Variants in MCM6 observed in about 807,000 individuals in gnomAD.
The protein encoded by MCM6 is DNA replication licensing factor MCM6.
Under a neutral mutation model 94.3 loss-of-function variants are expected in MCM6, and 46 were observed. The observed-to-expected ratio is 0.49, with a 90% confidence interval of 0.39 to 0.62. MCM6 has a LOEUF of 0.62. Among genes scored for constraint, MCM6 ranks in the 20% least tolerant of loss-of-function variants. The probability of loss-of-function intolerance (pLI) is 0.00; values close to 1 mark genes in which losing one functional copy is unlikely to be tolerated. For synonymous variants in MCM6, 335 were observed against 351.9 expected (o/e 0.95, Z 0.54); for missense variants, 865 against 1,017.9 (o/e 0.85, Z 2.04).
At chr2:135,866,777 A>G in intron 4 of MCM6, 49 bp from the exon 5 acceptor site, 2 of 1,451,940 alleles carry the variant, frequency 1.4e-6, no homozygotes, top group East Asian at 2.3e-5. Flanking sequence ...AATACCTTTC[A>G]GATGCCATAT....
intron 16 of MCM6, among the ~76,000 whole-genome samples, chr2:135,842,655 G>A (rs1679596340): frequency 6.6e-6 from 1 of 152,190 alleles, no homozygotes; most frequent in South Asian, 2.1e-4. Context: ...TACTATTTTG[G>A]CAGGCTAGCA....
intron 1 of MCM6, among the ~76,000 whole-genome samples, chr2:135,875,857 C>A (rs1680285965): frequency 6.6e-6 from 1 of 152,358 alleles, no homozygotes; most frequent in South Asian, 2.1e-4. Context: ...CCCAGCAGGG[C>A]ACCGACGAGA....
At position 135,859,330 on chromosome 2, in the gene MCM6, C is replaced by T. The variant is rs1245959167; in HGVS notation, c.1333G>A (p.Glu445Lys). 3 of 1,613,720 alleles carry T rather than the reference C, an allele frequency of 1.9e-6. No individual in the cohort carries two copies. The highest frequency in any genetic ancestry group is 2.5e-6 in the Non-Finnish European group (3 of 1,179,792). Reference protein sequence around the residue: ...RDEESHEFVIEAGALMLADNG... With the variant: ...RDEESHEFVIKAGALMLADNG... ...TCAGCCAACATCAAAGCTCCAGCCT[C>T]AATGACAAACTCATGAGATTCTTCA... Residue 445 changes from glutamate to lysine, a missense_variant, in exon 9 of 17, where the codon GAG becomes AAG. By Grantham distance (56) the Glu-to-Lys change is moderately conservative. This residue lies in a region of MCM6 where 153 missense variants were observed against 241.5 expected (regional missense o/e 0.63). Coordinates refer to ENST00000264156, the MANE Select transcript of MCM6 (RefSeq NM_005915.6).
In MCM6 at chr2:135,868,662, C is replaced by T. The variant is rs1680143761; in HGVS notation, c.564G>A (p.Arg188=). Reference sequence around the variant, plus strand: ...TATTTGTATCCAGTAAGAATCTCCTCCTGTTGGCACAAACTGGATTTCGGC... The same window carrying T: ...TATTTGTATCCAGTAAGAATCTCCTTCTGTTGGCACAAACTGGATTTCGGC... ...NICRNPVCAN[R]RRFLLDTNKS... is the part of the protein sequence containing the mutation. Residue 188 remains arginine, a synonymous_variant, in exon 4 of 17, where the codon AGG becomes AGA. Coordinates refer to ENST00000264156, the MANE Select transcript of MCM6 (RefSeq NM_005915.6). 1 of 1,614,144 alleles carries T rather than the reference C, an allele frequency of 6.2e-7. No homozygotes were observed. Among genetic ancestry groups the T allele is most frequent in the South Asian group, 1.1e-5 (1 of 91,084 alleles).
intron 16 of MCM6, among the ~76,000 whole-genome samples, chr2:135,843,638 A>C (rs1679617993): frequency 6.6e-6 from 1 of 150,636 alleles, no homozygotes; most frequent in African/African-American, 2.4e-5. Flanking sequence ...TGGGAGGCTG[A>C]GACAGGAGAA....
intron 2 of MCM6, 144 bp from the exon 3 acceptor site, chr2:135,870,505 T>C: frequency 6.8e-6 from 4 of 590,612 alleles, no homozygotes; most frequent in Middle Eastern, 2.7e-4. Context: ...ACTTCTATTA[T>C]CTACTCTAGG....
chr2:135,856,972 C>T, intron 10 of MCM6, 89 bp from the exon 11 acceptor site: 1 of 1,241,060 alleles, frequency 8.1e-7, no homozygotes, highest in Non-Finnish European at 1.1e-6. Context: ...CCATAATTAA[C>T]TAAACACAAA....
chr2:135,858,224 C>G (rs1372228080), intron 9 of MCM6, among the ~76,000 whole-genome samples: 2 of 152,116 alleles, frequency 1.3e-5, no homozygotes, highest in South Asian at 2.1e-4. Flanking sequence ...TGTGGGGGCT[C>G]ACACCTGTAA....
chr2:135,871,841 G>C (rs1680207716), intron 2 of MCM6, among the ~76,000 whole-genome samples: 1 of 152,192 alleles, frequency 6.6e-6, no homozygotes, highest in Non-Finnish European at 1.5e-5. Flanking sequence ...CTCTGTTGTA[G>C]CAGATCTGCT....
Position 135,865,149 on chromosome 2 carries a change from C to A in MCM6, c.942G>T (p.Glu314Asp). 6.5e-7 allele frequency: 1 copy of A among 1,535,390 alleles called. No homozygotes were observed. The highest frequency in any genetic ancestry group is 8.7e-7 in the Non-Finnish European group (1 of 1,143,634). The change falls in exon 7 of 17, where the codon GAG (glutamate) becomes GAT (aspartate). Residue 314 changes from glutamate (E) to aspartate (D), a missense_variant. Physicochemically the swap from Glu to Asp is conservative, Grantham distance 45. Around this residue, in one of 3 missense-constraint regions of MCM6, gnomAD observed 404 missense variants for 451.9 expected, o/e 0.89. Transcript: ENST00000264156. ...CAGCTGTCTGTTCCTCATCTCTGAG[C>A]TCTTTCCCCCCAAACTAATGGTAGA... ...APTNPRFGGK[E>D]LRDEEQTAES... is the part of the protein sequence containing the mutation.
intron 14 of MCM6, 129 bp from the exon 15 acceptor site, chr2:135,846,521 G>A: frequency 6.7e-6 from 5 of 751,446 alleles, no homozygotes; most frequent in East Asian, 2.8e-5. Context: ...ATTATTATTT[G>A]TTTTAGAGAC....
At chr2:135,853,717 T>A (rs147074546) in intron 11 of MCM6, among the ~76,000 whole-genome samples, 94 of 128,744 alleles carry the variant, frequency 7.3e-4, no homozygotes, top group African/African-American at 2.6e-3. Flanking sequence ...TTGAAGATAT[T>A]CATCCCAGAA....
intron 8 of MCM6, among the ~76,000 whole-genome samples, chr2:135,860,913 G>T (rs309174): frequency 0.99 from 151,080 of 152,324 alleles, 74,933 homozygotes; most frequent in Middle Eastern, 1. Context: ...GCAGCCAGAT[G>T]GGATACTCCG....
intron 2 of MCM6, 70 bp downstream of exon 2, chr2:135,872,627 C>CT: frequency 6.8e-7 from 1 of 1,477,064 alleles, no homozygotes; most frequent in Non-Finnish European, 9.3e-7. Context: ...TGAACACTTA[C>CT]AGTCCAAGAA....
At chr2:135,853,013 T>G in intron 11 of MCM6, 98 bp from the exon 12 acceptor site, 6 of 1,085,490 alleles carry the variant, frequency 5.5e-6, no homozygotes, top group Non-Finnish European at 6.5e-6. Context: ...AAACAAGCTC[T>G]AATATACCAC....
At chr2:135,848,820 G>C (rs2105575044) in intron 13 of MCM6, among the ~76,000 whole-genome samples, 1 of 152,252 alleles carries the variant, frequency 6.6e-6, no homozygotes, top group East Asian at 1.9e-4. Context: ...GGGAGGCAGA[G>C]GTTGCAGTGA....
Position 135,871,895 on chromosome 2 carries a change from C to T in MCM6, c.254+802G>A, listed in dbSNP as rs1034423310. On this transcript the variant is annotated intron_variant, in intron 2 of 16. Transcript: ENST00000264156. ...CAAGTGTATAAGCAATTTAATTCTC[C>T]TTACTCTTCTCCATTTTCTACAATA... 2.6e-5 allele frequency among the ~76,000 whole-genome samples: 4 copies of T among 152,188 alleles called. 1 individual carries two copies. The highest frequency in any genetic ancestry group is 6.3e-3 in the Middle Eastern group (2 of 316).
intron 2 of MCM6, among the ~76,000 whole-genome samples, chr2:135,871,699 C>T (rs1680205790): frequency 6.6e-6 from 1 of 151,834 alleles, no homozygotes; most frequent in African/African-American, 2.4e-5. Context: ...ACAATTGGAG[C>T]TATTAGTATG....
chr2:135,861,682 G>A (rs534196209), intron 8 of MCM6, among the ~76,000 whole-genome samples: 4 of 152,120 alleles, frequency 2.6e-5, no homozygotes, highest in East Asian at 3.9e-4. Context: ...GCGCAATCTC[G>A]GCTCACTGCA....
Sources: gnomAD v4.1 joint callset for allele counts (sites outside exome capture counted in the v4.1 genomes callset) on GRCh38, gnomAD v4.1.1 for gene constraint, gnomAD v4.1.1 regional missense constraint, MANE v1.5 for transcripts, NCBI Gene and HGNC (gene_info 2026-07-23, HGNC 2026-07-21) for gene names.